Variants in CSTPP1 observed in about 807,000 individuals in gnomAD.
CSTPP1 encodes centriolar satellite-associated tubulin polyglutamylase complex regulator 1, also known as UPF0705 protein C11orf49.
chr11:47,161,192 T>C, the CSTPP1 span: 1 of 1,613,536 alleles, frequency 6.2e-7, no homozygotes, highest in South Asian at 1.1e-5. Flanking sequence ...GGAACGGCTG[T>C]AAGTGTCAAG....
At chr11:47,084,979 G>A in the CSTPP1 span, among the ~76,000 whole-genome samples, 2,625 of 152,222 alleles carry the variant, frequency 0.017, 71 homozygotes, top group African/African-American at 0.06. Context: ...GAGGTCAGGA[G>A]TTTGAGACCA....
At chr11:46,966,116 C>T in the CSTPP1 span, among the ~76,000 whole-genome samples, 1 of 152,130 alleles carries the variant, frequency 6.6e-6, no homozygotes, top group African/African-American at 2.4e-5. Flanking sequence ...GATCTTGGCT[C>T]ACTGCAACCT....
At chr11:46,977,093 G>A in the CSTPP1 span, among the ~76,000 whole-genome samples, 2 of 152,198 alleles carry the variant, frequency 1.3e-5, no homozygotes, top group African/African-American at 4.8e-5. Flanking sequence ...ATTTGCAAGC[G>A]GAGTGTGTAA....
At chr11:46,938,476 A>G in the CSTPP1 span, among the ~76,000 whole-genome samples, 1 of 150,522 alleles carries the variant, frequency 6.6e-6, no homozygotes, top group Non-Finnish European at 1.5e-5. Flanking sequence ...CCATTCCATT[A>G]TCATACAGAA....
chr11:47,138,376 C>T, the CSTPP1 span, among the ~76,000 whole-genome samples: 2 of 152,138 alleles, frequency 1.3e-5, no homozygotes, highest in African/African-American at 2.4e-5. Context: ...GATTACAATT[C>T]GGGTTGAGAT....
chr11:47,026,413 A>C, the CSTPP1 span, among the ~76,000 whole-genome samples: 1 of 152,232 alleles, frequency 6.6e-6, no homozygotes, highest in African/African-American at 2.4e-5. Flanking sequence ...GAACAAGACA[A>C]ATTAGAGATT....
chr11:46,972,021 A>C, the CSTPP1 span, among the ~76,000 whole-genome samples: 1 of 152,232 alleles, frequency 6.6e-6, no homozygotes, highest in Admixed American at 6.5e-5. Context: ...AAATGAAATT[A>C]AAAGTAAAGT....
chr11:47,071,541 A>G, the CSTPP1 span, among the ~76,000 whole-genome samples: 1 of 152,308 alleles, frequency 6.6e-6, no homozygotes, highest in Middle Eastern at 3.4e-3. Flanking sequence ...CCTTGAGGGC[A>G]AAGACTGCAT....
At chr11:47,124,343 C>T in the CSTPP1 span, among the ~76,000 whole-genome samples, 1 of 151,520 alleles carries the variant, frequency 6.6e-6, no homozygotes, top group South Asian at 2.1e-4. Flanking sequence ...AGGCTGGTCT[C>T]GAACTCCTGA....
chr11:46,978,846 T>C, the CSTPP1 span, among the ~76,000 whole-genome samples: 1 of 152,120 alleles, frequency 6.6e-6, no homozygotes, highest in Non-Finnish European at 1.5e-5. Flanking sequence ...AGCCCGTGAG[T>C]TTTCAGTTAC....
chr11:47,016,390 C>CAAAAAAAA, the CSTPP1 span, among the ~76,000 whole-genome samples: 1 of 125,850 alleles, frequency 7.9e-6, no homozygotes, highest in Non-Finnish European at 1.6e-5. Context: ...ATGGAATCTA[C>CAAAAAAAA]AAAAAACAAA....
At chr11:47,016,400 AAAAC>A in the CSTPP1 span, among the ~76,000 whole-genome samples, 5 of 143,432 alleles carry the variant, frequency 3.5e-5, no homozygotes, top group African/African-American at 5.7e-5. Flanking sequence ...CAAAAAACAA[AAAAC>A]AAAAAACAAA....
the CSTPP1 span, chr11:47,052,539 T>G: frequency 6.2e-7 from 1 of 1,608,052 alleles, no homozygotes; most frequent in Non-Finnish European, 8.5e-7. Context: ...CCAAATTCTT[T>G]TTCCTTCCTT....
the CSTPP1 span, among the ~76,000 whole-genome samples, chr11:46,946,636 C>T: frequency 9.2e-5 from 14 of 152,166 alleles, no homozygotes; most frequent in African/African-American, 2.9e-4. Context: ...CCAGCCTGGG[C>T]GACAGAGCGA....
the CSTPP1 span, among the ~76,000 whole-genome samples, chr11:47,016,839 CTTTTTTTTTTT>C: frequency 3.0e-5 from 3 of 99,842 alleles, no homozygotes; most frequent in South Asian, 3.4e-4. Flanking sequence ...TCATTTAGTA[CTTTTTTTTTTT>C]TTTTTTTTTT....
chr11:47,107,109 C>T, the CSTPP1 span, among the ~76,000 whole-genome samples: 4 of 152,120 alleles, frequency 2.6e-5, no homozygotes, highest in South Asian at 2.1e-4. Flanking sequence ...AGTGGAGCAG[C>T]GGATGGTGTG....
At chr11:47,014,078 G>A in the CSTPP1 span, among the ~76,000 whole-genome samples, 46 of 152,152 alleles carry the variant, frequency 3.0e-4, no homozygotes, top group Admixed American at 2.6e-4. Flanking sequence ...GCATGGCAGT[G>A]CACACCTGTA....
the CSTPP1 span, among the ~76,000 whole-genome samples, chr11:47,103,298 G>A: frequency 1.3e-5 from 2 of 151,906 alleles, no homozygotes; most frequent in Non-Finnish European, 2.9e-5. Flanking sequence ...TACTCTGGAG[G>A]CTGAGGTGGG....
chr11:46,963,479 A>G, the CSTPP1 span, among the ~76,000 whole-genome samples: 2 of 152,106 alleles, frequency 1.3e-5, no homozygotes, highest in Non-Finnish European at 2.9e-5. Context: ...AACACATTTA[A>G]GCTGATACAT....
Sources: allele counts gnomAD v4.1 joint callset (sites outside exome capture counted in the v4.1 genomes callset), GRCh38; gene constraint gnomAD v4.1.1; transcripts MANE v1.5; gene names NCBI Gene and HGNC (gene_info 2026-07-23, HGNC 2026-07-21).